CNTN5: variants seen among roughly 807,000 people sequenced by gnomAD.
The protein encoded by CNTN5 is contactin 5, also known as contactin-5.
A neutral mutation model predicts 129.1 loss-of-function variants in CNTN5; 77 were observed. The ratio of observed to expected loss-of-function variants is 0.60; its 90% CI spans 0.50 to 0.72. The LOEUF is 0.72. Among genes scored for constraint, CNTN5 ranks in the 30% least tolerant of loss-of-function variants. The pLI, the probability that CNTN5 is intolerant of heterozygous loss-of-function variation, is 0.00. For synonymous variants in CNTN5, 509 were observed against 465.6 expected, an observed-to-expected ratio of 1.09 and a Z score of -1.20; for missense variants, 1,478 against 1,328.8, an observed-to-expected ratio of 1.11 and a Z score of -1.75.
chr11:99,553,454 T>A (rs548551245), intron 2 of CNTN5, among the ~76,000 whole-genome samples: 2 of 152,244 alleles, frequency 1.3e-5, no homozygotes, highest in East Asian at 3.9e-4. Flanking sequence ...ATTAAAGTCA[T>A]CGGATAACTA....
At chr11:100,301,779 T>C (rs1395677812) in intron 20 of CNTN5, among the ~76,000 whole-genome samples, 1 of 151,632 alleles carries the variant, frequency 6.6e-6, no homozygotes, top group Non-Finnish European at 1.5e-5. Context: ...CTCTGAGGCT[T>C]AGCTTCCTCC....
intron 6 of CNTN5, among the ~76,000 whole-genome samples, chr11:99,874,623 T>C (rs924569908): frequency 6.6e-6 from 1 of 152,192 alleles, no homozygotes; most frequent in Non-Finnish European, 1.5e-5. Flanking sequence ...TGGAATACTT[T>C]TAAAAGGAAA....
At chr11:99,718,124 C>T (rs1388915263) in intron 3 of CNTN5, among the ~76,000 whole-genome samples, 1 of 152,076 alleles carries the variant, frequency 6.6e-6, no homozygotes, top group Non-Finnish European at 1.5e-5. Context: ...CTAATTGGAA[C>T]CTTACACATC....
intron 21 of CNTN5, among the ~76,000 whole-genome samples, chr11:100,320,560 G>GT (rs897469032): frequency 9.9e-5 from 15 of 151,416 alleles, no homozygotes; most frequent in African/African-American, 3.2e-4. Flanking sequence ...ATCCCATTTG[G>GT]TTTTTTTGTT....
intron 23 of CNTN5, among the ~76,000 whole-genome samples, chr11:100,342,316 T>A (rs1591529647): frequency 6.6e-6 from 1 of 152,020 alleles, no homozygotes; most frequent in African/African-American, 2.4e-5. Context: ...CAACTTCTCC[T>A]CTTAGGGAAA....
At chr11:100,263,516 TA>T (rs1268565506) in intron 17 of CNTN5, among the ~76,000 whole-genome samples, 1 of 152,276 alleles carries the variant, frequency 6.6e-6, no homozygotes, top group African/African-American at 2.4e-5. Context: ...TCTATAAACA[TA>T]TTTATTATGC....
At chr11:99,055,055 C>T (rs1360155552) in intron 1 of CNTN5, among the ~76,000 whole-genome samples, 2 of 151,904 alleles carry the variant, frequency 1.3e-5, no homozygotes, top group African/African-American at 4.8e-5. Context: ...ATGCCCTATT[C>T]CCAGAATTCA....
At chr11:99,196,782 A>G (rs1224711663) in intron 1 of CNTN5, among the ~76,000 whole-genome samples, 1 of 151,986 alleles carries the variant, frequency 6.6e-6, no homozygotes, top group Non-Finnish European at 1.5e-5. Flanking sequence ...AAAAAGAAAA[A>G]CAAAATTTTA....
intron 3 of CNTN5, among the ~76,000 whole-genome samples, chr11:99,562,895 T>C (rs1437623653): frequency 2.0e-5 from 3 of 152,066 alleles, no homozygotes; most frequent in East Asian, 3.9e-4. Context: ...AGGTGAAAAA[T>C]ATCTAAAATT....
At chr11:100,083,509 G>C (rs1033182091) in intron 13 of CNTN5, among the ~76,000 whole-genome samples, 3 of 151,906 alleles carry the variant, frequency 2.0e-5, no homozygotes, top group African/African-American at 4.8e-5. Flanking sequence ...TTCAACATAG[G>C]GTTTGGAGGG....
chr11:99,179,937 TG>T (rs1301101427), intron 1 of CNTN5, among the ~76,000 whole-genome samples: 8 of 152,314 alleles, frequency 5.3e-5, no homozygotes, highest in African/African-American at 1.9e-4. Context: ...TTTTGTATTA[TG>T]TTTTAGTTAC....
intron 1 of CNTN5, among the ~76,000 whole-genome samples, chr11:99,136,395 C>A (rs1201429309): frequency 6.6e-6 from 1 of 152,032 alleles, no homozygotes; most frequent in Non-Finnish European, 1.5e-5. Context: ...AAGTATATAT[C>A]CCAAACCTAA....
At chr11:99,911,715 C>G (rs1339598631) in intron 6 of CNTN5, among the ~76,000 whole-genome samples, 5 of 148,586 alleles carry the variant, frequency 3.4e-5, no homozygotes, top group Non-Finnish European at 6.0e-5. Flanking sequence ...CACATTCTAC[C>G]TACTCAACAT....
chr11:100,185,700 A>T (rs1948280716), intron 13 of CNTN5, among the ~76,000 whole-genome samples: 1 of 152,178 alleles, frequency 6.6e-6, no homozygotes, highest in Admixed American at 6.5e-5. Context: ...TGTGTTCATA[A>T]GTATAGGCTC....
At chr11:99,558,992 C>A (rs1230212604) in intron 3 of CNTN5, among the ~76,000 whole-genome samples, 5 of 152,162 alleles carry the variant, frequency 3.3e-5, no homozygotes, top group Middle Eastern at 3.4e-3. Context: ...TGTTCAAAAT[C>A]TTTCATTTGC....
At chr11:99,223,175 C>G (rs772642233) in intron 1 of CNTN5, among the ~76,000 whole-genome samples, 4 of 152,148 alleles carry the variant, frequency 2.6e-5, no homozygotes, top group Non-Finnish European at 4.4e-5. Flanking sequence ...CCTATATTAT[C>G]CTATCCTATT....
intron 3 of CNTN5, among the ~76,000 whole-genome samples, chr11:99,807,080 A>T (rs1007486401): frequency 6.6e-6 from 1 of 152,124 alleles, no homozygotes; most frequent in Non-Finnish European, 1.5e-5. Flanking sequence ...ATATGTATAC[A>T]TGGAAAAATA....
chr11:99,388,341 G>A (rs1941038905), intron 2 of CNTN5, among the ~76,000 whole-genome samples: 2 of 145,366 alleles, frequency 1.4e-5, no homozygotes, highest in Non-Finnish European at 3.0e-5. Flanking sequence ...TTTGAACCAA[G>A]GAAGCAGAGG....
At chr11:100,052,754 G>T (rs1384040668) in intron 9 of CNTN5, among the ~76,000 whole-genome samples, 1 of 151,570 alleles carries the variant, frequency 6.6e-6, no homozygotes, top group Non-Finnish European at 1.5e-5. Flanking sequence ...ATAGCCAAAG[G>T]TAGAAAAAGA....
Sources: allele counts gnomAD v4.1 joint callset (sites outside exome capture counted in the v4.1 genomes callset), GRCh38; gene constraint gnomAD v4.1.1; transcripts MANE v1.5; gene names NCBI Gene and HGNC (gene_info 2026-07-23, HGNC 2026-07-21).